RAP1GAP2: variants seen among roughly 807,000 people sequenced by gnomAD.
The protein encoded by RAP1GAP2 is RAP1 GTPase activating protein 2, also known as rap1 GTPase-activating protein 2.
Under a neutral mutation model 95.0 loss-of-function variants are expected in RAP1GAP2, and 27 were observed. That is an observed-to-expected ratio of 0.28 (90% confidence interval 0.21 to 0.39). The LOEUF is 0.39. RAP1GAP2 is among the 10% of genes least tolerant of loss of function. RAP1GAP2 has a pLI of 1.00. For missense variants in RAP1GAP2, 771 were observed against 970.0 expected, an observed-to-expected ratio of 0.79 and a Z score of 2.72; for synonymous variants, 373 against 380.9, an observed-to-expected ratio of 0.98 and a Z score of 0.24.
chr17:2,828,214 G>A (rs1052450886), intron 2 of RAP1GAP2, among the ~76,000 whole-genome samples: 4 of 152,026 alleles, frequency 2.6e-5, no homozygotes, highest in Non-Finnish European at 4.4e-5. Context: ...GGTGGTGCAC[G>A]CCTGTAATCC....
At chr17:2,833,146 T>C in intron 2 of RAP1GAP2, among the ~76,000 whole-genome samples, 1 of 129,044 alleles carries the variant, frequency 7.7e-6, no homozygotes, top group South Asian at 2.4e-4. Context: ...TTCTTGATAA[T>C]TTTTTTTTTT....
At position 2,796,593 on chromosome 17, in the gene RAP1GAP2, G is replaced by A. The variant is rs1022987144; in HGVS notation, c.44+22G>A. ...GATGGTGGGTGACAGGTGGGAGGGT[G>A]GGGGAATGATGGGAGAGAACTTAGA... On this transcript the variant is annotated intron_variant, in intron 1 of 24. Coordinates refer to ENST00000254695, the MANE Select transcript of RAP1GAP2 (RefSeq NM_015085.5). The surrounding 1 kb of genome is among the most constrained non-coding windows in gnomAD (Gnocchi z 4.7). 2 of 1,555,260 alleles carry A rather than the reference G, an allele frequency of 1.3e-6. No homozygotes were observed. Among genetic ancestry groups the A allele is most frequent in the Non-Finnish European group, 1.7e-6 (2 of 1,148,894 alleles).
rs796407072 is a variant in RAP1GAP2, at chr17:2,965,250, A to ACC, written c.493-285_493-284dup. On this transcript the variant is annotated intron_variant, in intron 7 of 24. Transcript: ENST00000254695. This position sits in a 1 kb window ranked among gnomAD's most constrained non-coding sequence, Gnocchi z 4.7. ...TCGTGTCATCCTGGGCAGTGACTTA[A>ACC]CCCCCCGACCATTGGTTTTCCCATC... 184 of 436,884 alleles carry ACC rather than the reference A, an allele frequency of 4.2e-4. No homozygotes were observed. Among genetic ancestry groups the ACC allele is most frequent in the African/African-American group, 3.1e-3 (155 of 50,248 alleles). The allele number at this position is 436,884 out of a possible 1,614,324, so 27.1% of individuals were successfully genotyped here.
intron 1 of RAP1GAP2, among the ~76,000 whole-genome samples, chr17:2,789,856 C>T (rs1201892929): frequency 2.0e-5 from 3 of 150,190 alleles, no homozygotes; most frequent in African/African-American, 4.9e-5. Context: ...GCTCTTGGAA[C>T]TCAGTTTTTA....
intron 3 of RAP1GAP2, among the ~76,000 whole-genome samples, chr17:2,918,658 C>T (rs77243064): frequency 0.022 from 3,336 of 152,076 alleles, 119 homozygotes; most frequent in African/African-American, 0.076. Context: ...TGAGAATTCA[C>T]TCATGATCTT....
chr17:2,976,018 G>A (rs1027348475), intron 8 of RAP1GAP2, among the ~76,000 whole-genome samples: 1 of 152,174 alleles, frequency 6.6e-6, no homozygotes, highest in Non-Finnish European at 1.5e-5. Context: ...CCGTGAACAC[G>A]CTCTGTTCAC....
intron 10 of RAP1GAP2, among the ~76,000 whole-genome samples, chr17:2,984,667 G>T (rs774991670): frequency 3.3e-5 from 5 of 152,134 alleles, no homozygotes; most frequent in Non-Finnish European, 5.9e-5. Flanking sequence ...TTACACCACA[G>T]ATTCAACACT....
chr17:2,901,487 T>A (rs1431193377), intron 2 of RAP1GAP2, among the ~76,000 whole-genome samples: 2 of 152,090 alleles, frequency 1.3e-5, no homozygotes, highest in Non-Finnish European at 2.9e-5. Context: ...CATGCGAGTA[T>A]GGGGCTGGGT....
At chr17:2,947,576 C>G (rs927522359) in intron 3 of RAP1GAP2, among the ~76,000 whole-genome samples, 1 of 152,182 alleles carries the variant, frequency 6.6e-6, no homozygotes, top group Non-Finnish European at 1.5e-5. Flanking sequence ...CTAGGCAGTT[C>G]TATTAATAGC....
intron 3 of RAP1GAP2, among the ~76,000 whole-genome samples, chr17:2,945,063 G>C (rs1385010369): frequency 6.6e-6 from 1 of 152,004 alleles, no homozygotes; most frequent in Non-Finnish European, 1.5e-5. Flanking sequence ...TTTTAGTAGA[G>C]ACGAGGTTTC....
At position 2,866,801 on chromosome 17, in the gene RAP1GAP2, C is replaced by T. The variant is rs1363320541; in HGVS notation, c.81-38483C>T. Among the ~76,000 whole-genome samples the T allele has an allele frequency of 2.0e-5, 3 of 151,820 alleles. No individual in the cohort carries two copies. Among genetic ancestry groups the T allele is most frequent in the African/African-American group, 7.3e-5 (3 of 41,298 alleles). On this transcript the variant is annotated intron_variant, in intron 2 of 24. Coordinates refer to ENST00000254695, the MANE Select transcript of RAP1GAP2 (RefSeq NM_015085.5). The surrounding 1 kb of genome is among the most constrained non-coding windows in gnomAD (Gnocchi z 4.0). ...TTTTAGTAGAGATGGGGTTTCACCA[C>T]GTTGGCCGGGCTGGTCTCGAACTCC... is the stretch of plus-strand genomic sequence containing the variant.
intron 14 of RAP1GAP2, among the ~76,000 whole-genome samples, chr17:3,001,860 G>A (rs910362886): frequency 1.3e-5 from 2 of 152,012 alleles, no homozygotes; most frequent in African/African-American, 2.4e-5. Flanking sequence ...CCACTTTCCC[G>A]AGACCTTAGC....
rs552779449 is a variant in RAP1GAP2 at position 2,871,576 on chromosome 17, A to C, written c.81-33708A>C. Among the ~76,000 whole-genome samples the C allele has an allele frequency of 2.9e-3, 440 of 152,192 alleles. 3 individuals are homozygous for C. The highest frequency in any genetic ancestry group is 9.8e-3 in the African/African-American group (407 of 41,544). On this transcript the variant is annotated intron_variant, in intron 2 of 24. Coordinates refer to ENST00000254695, the MANE Select transcript of RAP1GAP2 (RefSeq NM_015085.5). This position sits in a 1 kb window ranked among gnomAD's most constrained non-coding sequence, Gnocchi z 5.0. ...TAGGGCCAGCAAACACCATAGACAA[A>C]AGCTGCTTTGGAGTTGGTGCCAGCC...
chr17:2,951,447 G>A (rs181875746), intron 3 of RAP1GAP2, among the ~76,000 whole-genome samples: 9 of 152,256 alleles, frequency 5.9e-5, no homozygotes, highest in East Asian at 3.9e-4. Context: ...TGTTGTGTGC[G>A]GTGGCTCACA....
chr17:2,986,809 T>C (rs946652474), intron 11 of RAP1GAP2, among the ~76,000 whole-genome samples: 5 of 152,188 alleles, frequency 3.3e-5, no homozygotes, highest in African/African-American at 1.2e-4. Context: ...ATGTGAATCT[T>C]GCAAGAGAAG....
intron 2 of RAP1GAP2, among the ~76,000 whole-genome samples, chr17:2,885,145 T>C (rs2073446245): frequency 6.6e-6 from 1 of 151,320 alleles, no homozygotes; most frequent in Non-Finnish European, 1.5e-5. Flanking sequence ...GTGATTCTTC[T>C]GCCTCAGCCT....
intron 2 of RAP1GAP2, among the ~76,000 whole-genome samples, chr17:2,858,876 C>G (rs934305350): frequency 6.6e-6 from 1 of 151,938 alleles, no homozygotes; most frequent in African/African-American, 2.4e-5. Context: ...AGAGCCATTG[C>G]ACTCCAGCCT....
chr17:2,974,966 C>T (rs996880454), intron 8 of RAP1GAP2, among the ~76,000 whole-genome samples: 8 of 152,212 alleles, frequency 5.3e-5, no homozygotes. Flanking sequence ...CGGTAGCTCA[C>T]GCCTGTAATC....
At chr17:2,879,651 G>A (rs777399591) in intron 2 of RAP1GAP2, among the ~76,000 whole-genome samples, 21 of 151,726 alleles carry the variant, frequency 1.4e-4, no homozygotes, top group Admixed American at 7.2e-4. Flanking sequence ...GTTTGAACCC[G>A]GGAGGCAGAG....
Sources: allele counts gnomAD v4.1 joint callset (sites outside exome capture counted in the v4.1 genomes callset), GRCh38; gene constraint gnomAD v4.1.1; non-coding constraint Gnocchi (gnomAD v3.1); transcripts MANE v1.5; gene names NCBI Gene and HGNC (gene_info 2026-07-23, HGNC 2026-07-21).